Variants in KATNB1 observed in about 807,000 individuals in gnomAD.
KATNB1 encodes the protein katanin p80 WD40 repeat-containing subunit B1.
KATNB1 carries 38 observed loss-of-function variants against 82.3 expected under a neutral mutation model. The ratio of observed to expected loss-of-function variants is 0.46; its 90% CI spans 0.36 to 0.61. The LOEUF (loss-of-function observed/expected upper bound fraction) is 0.61. Among genes scored for constraint, KATNB1 ranks in the 20% least tolerant of loss-of-function variants. The pLI, the probability that KATNB1 is intolerant of heterozygous loss-of-function variation, is 0.00. For missense variants in KATNB1, 749 were observed against 915.7 expected (o/e 0.82, Z 2.35); for synonymous variants, 361 against 368.7 (o/e 0.98, Z 0.24).
At chr16:57,752,702 T>C in intron 9 of KATNB1, 76 bp from the exon 10 acceptor site, 1 of 1,566,460 alleles carries the variant, frequency 6.4e-7, no homozygotes, top group Admixed American at 1.9e-5. Flanking sequence ...CTCCCTGCCC[T>C]GGGCCCTCTG....
chr16:57,748,955 C>G (rs1555582316), intron 4 of KATNB1, among the ~76,000 whole-genome samples: 2 of 152,218 alleles, frequency 1.3e-5, no homozygotes, highest in African/African-American at 4.8e-5. Flanking sequence ...CCTCCTTGGC[C>G]AGGAGGCAAT....
rs375694212 is a variant in KATNB1 at position 57,737,290 on chromosome 16, G to A, written c.40+7G>A. 8.1e-6 allele frequency: 13 copies of A among 1,614,002 alleles called. No individual in the cohort carries two copies. Among genetic ancestry groups the A allele is most frequent in the African/African-American group, 2.7e-5 (2 of 74,932 alleles). On this transcript the variant is annotated splice_region_variant and intron_variant, in intron 2 of 19. Transcript: ENST00000379661. ...AAGACAGCCTGGAAGTTGCGTGAGT[G>A]GTTTTCATTTTTCTTTATCACCCCA...
Position 57,753,441 on chromosome 16 carries a change from C to T in KATNB1, c.1099C>T (p.Arg367Trp), listed in dbSNP as rs150806682. Reference protein sequence around the residue: ...ERRSPSSEDDRDERESRAEIQ... With the variant: ...ERRSPSSEDDWDERESRAEIQ... Reference sequence around the variant, plus strand: ...CCGCAGCCCCAGCAGCGAGGATGACCGGGACGAGCGCGAGTCCCGCGCGGA... The same window carrying T: ...CCGCAGCCCCAGCAGCGAGGATGACTGGGACGAGCGCGAGTCCCGCGCGGA... The change falls in exon 12 of 20, where the codon CGG (arginine) becomes TGG (tryptophan). Residue 367 changes from arginine (R) to tryptophan (W), a missense_variant. Around this residue, in one of 3 missense-constraint regions of KATNB1, gnomAD observed 407 missense variants for 434.7 expected, o/e 0.94. Transcript: ENST00000379661. 2.1e-4 allele frequency: 336 copies of T among 1,588,022 alleles called. No individual in the cohort carries two copies. The highest frequency in any genetic ancestry group is 2.5e-4 in the Non-Finnish European group (291 of 1,164,592).
chr16:57,755,835 G>A lies in KATNB1; in HGVS notation c.1567-6G>A. On this transcript the variant is annotated splice_region_variant and splice_polypyrimidine_tract_variant and intron_variant, in intron 16 of 19. Transcript: ENST00000379661. Reference sequence around the variant, plus strand: ...CCCCACCCCTGACGGTGCTCTGTTTGCACAGACGTCGGTGGACTCCGCTGT... The same window carrying A: ...CCCCACCCCTGACGGTGCTCTGTTTACACAGACGTCGGTGGACTCCGCTGT... 1 of 1,580,960 alleles carries A rather than the reference G, an allele frequency of 6.3e-7. No individual in the cohort carries two copies. Among genetic ancestry groups the A allele is most frequent in the Non-Finnish European group, 8.6e-7 (1 of 1,156,358 alleles).
At position 57,753,205 on chromosome 16, in the gene KATNB1, C is replaced by T; in HGVS notation, c.984C>T (p.Asn328=). 6.2e-7 allele frequency: 1 copy of T among 1,608,204 alleles called. No individual in the cohort carries two copies. Among genetic ancestry groups the T allele is most frequent in the South Asian group, 1.1e-5 (1 of 90,978 alleles). ...GGCCCCTGGCACAGCCACTGCCCAA[C>T]CCCAGCGCCCCCCTCCGGCGCATCT... ...DHRPLAQPLP[N]PSAPLRRIYE... The change falls in exon 11 of 20, where the codon AAC becomes AAT. Residue 328 remains asparagine (N), a synonymous_variant. Transcript: ENST00000379661.
Position 57,756,859 on chromosome 16 carries a change from C to A in KATNB1, c.1881C>A (p.Ser627Arg), listed in dbSNP as rs782233520. The A allele has an allele frequency of 3.2e-6, 5 of 1,572,490 alleles. No individual in the cohort carries two copies. The highest frequency in any genetic ancestry group is 1.7e-6 in the Non-Finnish European group (2 of 1,158,410). The change falls in exon 20 of 20, where the codon AGC becomes AGA. Residue 627 changes from serine to arginine, a missense_variant. Transcript: ENST00000379661. ...RLCYKQLKSI[S>R]GLVKSKSGLS... ...GCTACAAGCAGCTTAAGAGCATCAG[C>A]GGCCTGGTCAAGAGCAAGTCAGGCC...
At chr16:57,738,658 T>C (rs1246101531) in intron 2 of KATNB1, among the ~76,000 whole-genome samples, 1 of 152,194 alleles carries the variant, frequency 6.6e-6, no homozygotes, top group African/African-American at 2.4e-5. Flanking sequence ...GTTTGGGCCA[T>C]TTTCATGTTG....
In KATNB1 at chr16:57,751,963, G is replaced by A. The variant is rs782539154; in HGVS notation, c.540G>A (p.Lys180=). ...AGCTCTGGGATCTCACTGCCGGCAA[G>A]ATGATGTCTGAGTTCCCTGGTCACA... ...TVKLWDLTAG[K]MMSEFPGHTG... is the part of the protein sequence containing the mutation. Residue 180 remains lysine, a synonymous_variant, in exon 8 of 20, where the codon AAG becomes AAA. Transcript: ENST00000379661. The surrounding 1 kb of genome is among the most constrained non-coding windows in gnomAD (Gnocchi z 6.3). 35 of 1,613,800 alleles carry A rather than the reference G, an allele frequency of 2.2e-5. No individual in the cohort carries two copies. Among genetic ancestry groups the A allele is most frequent in the Non-Finnish European group, 2.9e-5 (34 of 1,179,990 alleles).
At chr16:57,738,080 T>C (rs2049114771) in intron 2 of KATNB1, among the ~76,000 whole-genome samples, 2 of 152,100 alleles carry the variant, frequency 1.3e-5, no homozygotes, top group Non-Finnish European at 2.9e-5. Flanking sequence ...CCCGAAAGGA[T>C]CTTGAGGATC....
chr16:57,752,407 AGATGTT>A, intron 8 of KATNB1, 117 bp from the exon 9 acceptor site: 1 of 869,252 alleles, frequency 1.2e-6, no homozygotes. Flanking sequence ...GCTCTGCCCC[AGATGTT>A]GCTCCTGGTG....
intron 18 of KATNB1, 38 bp from the exon 19 acceptor site, chr16:57,756,318 C>G: frequency 5.1e-6 from 8 of 1,559,418 alleles, no homozygotes; most frequent in Non-Finnish European, 7.1e-6. Context: ...GTCTGTGGCC[C>G]TTGGTCCATC....
intron 4 of KATNB1, among the ~76,000 whole-genome samples, chr16:57,749,209 GA>G (rs1168759655): frequency 1.3e-5 from 2 of 152,246 alleles, no homozygotes; most frequent in Non-Finnish European, 2.9e-5. Flanking sequence ...GAAGAAATGT[GA>G]ATGGGACTAA....
intron 4 of KATNB1, among the ~76,000 whole-genome samples, chr16:57,749,905 C>T (rs368365583): frequency 4.1e-4 from 62 of 152,282 alleles, no homozygotes; most frequent in African/African-American, 1.3e-3. Context: ...CAGCCACCCT[C>T]AAGATCCCTT....
Position 57,753,272 on chromosome 16 carries a change from G to A in KATNB1, c.1046+5G>A, listed in dbSNP as rs572708547. On this transcript the variant is annotated splice_donor_5th_base_variant and intron_variant, in intron 11 of 19. Transcript: ENST00000379661. ...AACCTGCAGCAAGCCTCAGAGGTGA[G>A]GGCCTGGGGGGCCTTCGGGGGCCCA... The A allele has an allele frequency of 1.9e-6, 3 of 1,589,860 alleles. No homozygotes were observed. The highest frequency in any genetic ancestry group is 1.7e-4 in the Middle Eastern group (1 of 5,988).
chr16:57,737,188 C>G lies in KATNB1; in HGVS notation c.-56C>G. On this transcript the variant is annotated 5_prime_UTR_variant, in exon 2 of 20. Transcript: ENST00000379661. ...TGGGGGGGGATCCACCCCCACCCCA[C>G]GAGGAAAGCACAGTTTATTTTGTGG... The G allele has an allele frequency of 5.6e-6, 9 of 1,607,182 alleles. No individual in the cohort carries two copies. In the South Asian group the frequency reaches 9.9e-5, roughly 18 times the overall value.
intron 2 of KATNB1, among the ~76,000 whole-genome samples, chr16:57,740,391 C>T (rs140513988): frequency 2.1e-3 from 321 of 152,344 alleles, no homozygotes; most frequent in African/African-American, 7.3e-3. Context: ...AAGCAGCTTC[C>T]CTGGGCCCAG....
intron 10 of KATNB1, 22 bp from the exon 11 acceptor site, chr16:57,753,055 C>T: frequency 1.3e-6 from 2 of 1,592,950 alleles, no homozygotes; most frequent in Non-Finnish European, 1.7e-6. Flanking sequence ...CAGTCCCAGC[C>T]CCACCTCTCC....
At chr16:57,755,080 A>T in intron 14 of KATNB1, 39 bp from the exon 15 acceptor site, 2 of 1,613,028 alleles carry the variant, frequency 1.2e-6, no homozygotes, top group Non-Finnish European at 1.7e-6. Context: ...GCAGAGAGGG[A>T]GGCCCCAGGC....
chr16:57,753,013 C>T (rs1231990086), intron 10 of KATNB1, 64 bp from the exon 11 acceptor site: 2 of 1,589,190 alleles, frequency 1.3e-6, no homozygotes, highest in Non-Finnish European at 1.7e-6. Flanking sequence ...CCTACCCCCA[C>T]ACTGGGGCTG....
Sources: gnomAD v4.1 joint callset for allele counts (sites outside exome capture counted in the v4.1 genomes callset) on GRCh38, gnomAD v4.1.1 for gene constraint, gnomAD v4.1.1 regional missense constraint, Gnocchi (gnomAD v3.1) non-coding constraint, MANE v1.5 for transcripts, NCBI Gene and HGNC (gene_info 2026-07-23, HGNC 2026-07-21) for gene names.